Variants in PCDH17 observed in about 807,000 individuals in gnomAD.
PCDH17 encodes protocadherin-17.
Under a neutral mutation model 67.7 loss-of-function variants are expected in PCDH17, and 21 were observed. The observed-to-expected ratio is 0.31, with a 90% confidence interval of 0.22 to 0.45. PCDH17 has a LOEUF of 0.45. PCDH17 is among the 20% of genes least tolerant of loss of function. PCDH17 has a pLI of 1.00. For synonymous variants in PCDH17, 701 were observed against 656.7 expected (o/e 1.07, Z -1.03); for missense variants, 1,471 against 1,564.8 (o/e 0.94, Z 1.01).
intron 3 of PCDH17, among the ~76,000 whole-genome samples, chr13:57,688,447 T>G (rs572689109): frequency 6.6e-6 from 1 of 152,082 alleles, no homozygotes; most frequent in Non-Finnish European, 1.5e-5. Flanking sequence ...AGTAATGCAA[T>G]TTAAAAAATT....
chr13:57,645,077 A>C (rs1408256655), intron 1 of PCDH17, among the ~76,000 whole-genome samples: 1 of 151,668 alleles, frequency 6.6e-6, no homozygotes, highest in Non-Finnish European at 1.5e-5. Context: ...ACTCATTTCC[A>C]TTCATTTCTT....
At chr13:57,645,165 C>T (rs564474315) in intron 1 of PCDH17, among the ~76,000 whole-genome samples, 1 of 151,704 alleles carries the variant, frequency 6.6e-6, no homozygotes, top group African/African-American at 2.4e-5. Flanking sequence ...GATATTAAGT[C>T]TGTAAAGTGT....
chr13:57,645,608 A>G (rs1452368439), intron 1 of PCDH17, among the ~76,000 whole-genome samples: 1 of 151,334 alleles, frequency 6.6e-6, no homozygotes, highest in Admixed American at 6.6e-5. Flanking sequence ...TAATATTACA[A>G]CTTCATGGAG....
chr13:57,685,709 T>A (rs1048601523), intron 3 of PCDH17, among the ~76,000 whole-genome samples: 3 of 151,898 alleles, frequency 2.0e-5, no homozygotes, highest in African/African-American at 7.2e-5. Flanking sequence ...TTATATAGAA[T>A]AAAAAATTGT....
At chr13:57,697,717 A>G (rs978037370) in intron 3 of PCDH17, among the ~76,000 whole-genome samples, 1 of 151,736 alleles carries the variant, frequency 6.6e-6, no homozygotes, top group Admixed American at 6.6e-5. Context: ...AAATAATGAA[A>G]TAAAACACAG....
intron 3 of PCDH17, among the ~76,000 whole-genome samples, chr13:57,720,331 C>T (rs1013322976): frequency 6.6e-6 from 1 of 151,898 alleles, no homozygotes; most frequent in African/African-American, 2.4e-5. Context: ...AAGTGTTGAT[C>T]TAATCATAGG....
intron 3 of PCDH17, among the ~76,000 whole-genome samples, chr13:57,667,894 T>TA (rs1491538935): frequency 1.3e-5 from 2 of 148,346 alleles, no homozygotes; most frequent in South Asian, 2.1e-4. Flanking sequence ...TTTATATATA[T>TA]TTTTTAAAAC....
At chr13:57,652,005 G>C (rs1454392550) in intron 1 of PCDH17, among the ~76,000 whole-genome samples, 1 of 152,172 alleles carries the variant, frequency 6.6e-6, no homozygotes, top group African/African-American at 2.4e-5. Context: ...CGGGCCGGGC[G>C]CGGTGGCTCA....
In PCDH17 at chr13:57,634,098, G is replaced by A. The variant is rs773835746; in HGVS notation, c.1552G>A (p.Asp518Asn). 1 of 1,613,024 alleles carries A rather than the reference G, an allele frequency of 6.2e-7. No homozygotes were observed. The highest frequency in any genetic ancestry group is 1.7e-5 in the Admixed American group (1 of 59,962). Residue 518 changes from aspartate (D) to asparagine (N), a missense_variant, in exon 1 of 4, where the codon GAC becomes AAC. Around this residue, in one of 3 missense-constraint regions of PCDH17, gnomAD observed 1,163 missense variants for 1,230.0 expected, o/e 0.95. Transcript: ENST00000377918. This position sits in a 1 kb window ranked among gnomAD's most constrained non-coding sequence, Gnocchi z 7.8. ...CTCTATCCTGCCCTCGCACATCGGCGACGTGTCTATCTACACCTATGTGTC... is the reference window on the plus strand; with the variant it reads ...CTCTATCCTGCCCTCGCACATCGGCAACGTGTCTATCTACACCTATGTGTC... ...SYSILPSHIGDVSIYTYVSVN... is the reference protein window; with the variant it reads ...SYSILPSHIGNVSIYTYVSVN...
At chr13:57,707,302 CT>C (rs1955729630) in intron 3 of PCDH17, among the ~76,000 whole-genome samples, 2 of 150,564 alleles carry the variant, frequency 1.3e-5, no homozygotes, top group Non-Finnish European at 3.0e-5. Flanking sequence ...CATAAAAAAA[CT>C]TTCTCTGTAG....
chr13:57,681,059 A>G (rs575990425), intron 3 of PCDH17, among the ~76,000 whole-genome samples: 4 of 151,896 alleles, frequency 2.6e-5, no homozygotes, highest in Non-Finnish European at 5.9e-5. Flanking sequence ...TTTTAAACAC[A>G]TCTCTCCTCA....
intron 1 of PCDH17, among the ~76,000 whole-genome samples, chr13:57,660,442 AT>A (rs1231163861): frequency 6.6e-6 from 1 of 152,218 alleles, no homozygotes; most frequent in Non-Finnish European, 1.5e-5. Flanking sequence ...TATTAAAAAA[AT>A]AACTTTTATT....
chr13:57,717,306 T>C (rs1262869872), intron 3 of PCDH17, among the ~76,000 whole-genome samples: 1 of 152,006 alleles, frequency 6.6e-6, no homozygotes, highest in East Asian at 1.9e-4. Flanking sequence ...GTTTACATTC[T>C]CATTGTTTTG....
chr13:57,637,290 C>T (rs937765095), intron 1 of PCDH17, among the ~76,000 whole-genome samples: 5 of 152,000 alleles, frequency 3.3e-5, no homozygotes, highest in Admixed American at 6.6e-5. Flanking sequence ...CCTCAACATG[C>T]ATTGTTTAAA....
chr13:57,674,154 C>T (rs901024987), intron 3 of PCDH17, among the ~76,000 whole-genome samples: 14 of 151,868 alleles, frequency 9.2e-5, no homozygotes, highest in African/African-American at 3.4e-4. Flanking sequence ...TTTTGAGAAT[C>T]TCTTGCTTTT....
intron 1 of PCDH17, among the ~76,000 whole-genome samples, chr13:57,654,231 TTC>T (rs1955077427): frequency 6.6e-6 from 1 of 152,226 alleles, no homozygotes; most frequent in Non-Finnish European, 1.5e-5. Flanking sequence ...GTTCATGAAA[TTC>T]TCTGTCACAA....
At chr13:57,701,749 A>G (rs1223558172) in intron 3 of PCDH17, among the ~76,000 whole-genome samples, 2 of 152,286 alleles carry the variant, frequency 1.3e-5, no homozygotes, top group South Asian at 2.1e-4. Context: ...CAGAAATGAC[A>G]TAGAAGTAAA....
Position 57,633,464 on chromosome 13 carries a change from G to C in PCDH17, c.918G>C (p.Lys306Asn). Residue 306 changes from lysine to asparagine, a missense_variant, in exon 1 of 4, where the codon AAG becomes AAC. Around this residue, in one of 3 missense-constraint regions of PCDH17, gnomAD observed 1,163 missense variants for 1,230.0 expected, o/e 0.95. Transcript: ENST00000377918. The surrounding 1 kb of genome is among the most constrained non-coding windows in gnomAD (Gnocchi z 6.2). ...CCAAGACCGGCCTAATCCGTGTGAA[G>C]GGCAATCTGGACTATGAGGAAAACG... ...IDPKTGLIRV[K>N]GNLDYEENGM... The C allele has an allele frequency of 6.2e-7, 1 of 1,613,782 alleles. No homozygotes were observed. Among genetic ancestry groups the C allele is most frequent in the African/African-American group, 1.3e-5 (1 of 75,050 alleles).
Position 57,725,138 on chromosome 13 carries a change from C to T in PCDH17, c.3324C>T (p.Ser1108=). The T allele has an allele frequency of 6.2e-7, 1 of 1,614,136 alleles. No homozygotes were observed. Among genetic ancestry groups the T allele is most frequent in the Admixed American group, 1.7e-5 (1 of 60,010 alleles). Residue 1108 remains serine (S), a synonymous_variant, in exon 4 of 4, where the codon AGC becomes AGT. Transcript: ENST00000377918. ...TTGCAGATGTGCATTCCAGAGCCAG[C>T]CGGGATTCCAGTGAGATGGGTGCTG... is the stretch of plus-strand genomic sequence containing the variant. ...RVFADVHSRA[S]RDSSEMGAVL... is the part of the protein sequence containing the mutation.
Sources: allele counts gnomAD v4.1 joint callset (sites outside exome capture counted in the v4.1 genomes callset), GRCh38; gene constraint gnomAD v4.1.1; regional missense constraint gnomAD v4.1.1; non-coding constraint Gnocchi (gnomAD v3.1); transcripts MANE v1.5; gene names NCBI Gene and HGNC (gene_info 2026-07-23, HGNC 2026-07-21).